PCDHA2: variants seen among roughly 807,000 people sequenced by gnomAD.
PCDHA2 encodes the protein protocadherin alpha 2.
PCDHA2 carries 58 observed loss-of-function variants against 66.0 expected under a neutral mutation model. The observed-to-expected ratio is 0.88, with a 90% CI of 0.71 to 1.09. The LOEUF is 1.09. Ranked by LOEUF, PCDHA2 falls within the 50% of genes least tolerant of loss-of-function variation. PCDHA2 has a pLI of 0.00. For synonymous variants in PCDHA2, 634 were observed against 554.0 expected (o/e 1.14, Z -2.03); for missense variants, 1,267 against 1,242.3 (o/e 1.02, Z -0.30).
intron 1 of PCDHA2, among the ~76,000 whole-genome samples, chr5:140,960,338 G>A (rs2095541394): frequency 6.6e-6 from 1 of 152,172 alleles, no homozygotes; most frequent in Admixed American, 6.5e-5. Context: ...AGTACATGAG[G>A]TGAGATATGT....
intron 1 of PCDHA2, among the ~76,000 whole-genome samples, chr5:140,904,906 G>C (rs2071460962): frequency 6.6e-6 from 1 of 152,026 alleles, no homozygotes; most frequent in African/African-American, 2.4e-5. Context: ...TTTTCTTACT[G>C]ATTTGTTTGA....
At chr5:140,798,509 G>C (rs6878183) in intron 1 of PCDHA2, among the ~76,000 whole-genome samples, 278 of 152,262 alleles carry the variant, frequency 1.8e-3, no homozygotes, top group African/African-American at 6.3e-3. Flanking sequence ...TTATGTTAAT[G>C]GTTGATAAAT....
At chr5:140,999,524 C>T (rs1367103048) in intron 3 of PCDHA2, among the ~76,000 whole-genome samples, 1 of 152,026 alleles carries the variant, frequency 6.6e-6, no homozygotes, top group Non-Finnish European at 1.5e-5. Context: ...ATTTTGTTAC[C>T]CCCTGGATAT....
intron 1 of PCDHA2, chr5:140,876,047 C>T (rs1305657261): frequency 5.0e-6 from 8 of 1,613,744 alleles, no homozygotes; most frequent in Non-Finnish European, 6.8e-6. Context: ...AGTATATTGC[C>T]TGAATTAGTT....
rs1554119614 is a variant in PCDHA2 at position 140,795,901 on chromosome 5, G to T, written c.937G>T (p.Ala313Ser). ...TAAGGGAAAATTAGATTATGAAGAA[G>T]CAAAGTCCTACGAGATTCAGGTCAC... ...RTKGKLDYEE[A>S]KSYEIQVTAT... is the part of the protein sequence containing the mutation. Residue 313 changes from alanine to serine, a missense_variant, in exon 1 of 4, where the codon GCA becomes TCA. Coordinates refer to ENST00000526136, the MANE Select transcript of PCDHA2 (RefSeq NM_018905.3). The T allele has an allele frequency of 6.2e-7, 1 of 1,613,976 alleles. No individual in the cohort carries two copies. Among genetic ancestry groups the T allele is most frequent in the East Asian group, 2.2e-5 (1 of 44,886 alleles).
chr5:140,913,082 CA>C (rs1341633290), intron 1 of PCDHA2, among the ~76,000 whole-genome samples: 2 of 152,108 alleles, frequency 1.3e-5, no homozygotes, highest in Non-Finnish European at 2.9e-5. Flanking sequence ...TGTTTGGTAT[CA>C]GGATAATACT....
rs1205980132 is a variant in PCDHA2, at chr5:140,829,675, A to G, written c.2388+32323A>G. ...TGCAGCCGCTGGACCACGAGGAGCTAGAGCTGCTGCAGTTTCAGGTGAGCG... is the reference window on the plus strand; with the variant it reads ...TGCAGCCGCTGGACCACGAGGAGCTGGAGCTGCTGCAGTTTCAGGTGAGCG... On this transcript the variant is annotated intron_variant, in intron 1 of 3. Transcript: ENST00000526136. The G allele has an allele frequency of 3.1e-6, 5 of 1,613,082 alleles. No individual in the cohort carries two copies. The South Asian group carries it at 4.4e-5, about 14-fold the overall frequency.
chr5:140,948,017 T>TTTTCC (rs1351599974), intron 1 of PCDHA2, among the ~76,000 whole-genome samples: 1 of 151,262 alleles, frequency 6.6e-6, no homozygotes, highest in African/African-American at 2.4e-5. Flanking sequence ...GGAAGTACCC[T>TTTTCC]TTCTGGTTTG....
chr5:140,938,977 A>C (rs1205824371), intron 1 of PCDHA2, among the ~76,000 whole-genome samples: 1 of 152,190 alleles, frequency 6.6e-6, no homozygotes, highest in Admixed American at 6.5e-5. Flanking sequence ...CATCAAGGCT[A>C]TCCTGGCTTT....
At chr5:140,828,757 C>T in intron 1 of PCDHA2, 1 of 1,614,234 alleles carries the variant, frequency 6.2e-7, no homozygotes, top group Non-Finnish European at 8.5e-7. Flanking sequence ...AACCTGAGCT[C>T]ACAGGCACTG....
At chr5:140,875,934 A>T (rs782270710) in intron 1 of PCDHA2, 1 of 1,614,178 alleles carries the variant, frequency 6.2e-7, no homozygotes, top group Admixed American at 1.7e-5. Context: ...ATTTTCCTCT[A>T]GAGGGCGCTT....
intron 1 of PCDHA2, chr5:140,882,591 T>C (rs781883775): frequency 1.2e-6 from 2 of 1,614,116 alleles, no homozygotes; most frequent in South Asian, 2.2e-5. Flanking sequence ...CACCTGGAGG[T>C]GATCGTGGAC....
At chr5:140,804,394 A>C (rs1554123068) in intron 1 of PCDHA2, 4 of 152,040 alleles carry the variant, frequency 2.6e-5, no homozygotes, top group African/African-American at 7.2e-5. Context: ...GTGAAAATTT[A>C]ATAGTTGTAT....
intron 1 of PCDHA2, among the ~76,000 whole-genome samples, chr5:140,887,610 A>G (rs544288452): frequency 3.2e-4 from 49 of 151,656 alleles, no homozygotes; most frequent in Admixed American, 2.7e-3. Context: ...GTGCTTTAGT[A>G]TGGTTTTCTT....
At chr5:140,843,089 G>T in intron 1 of PCDHA2, 2 of 1,595,612 alleles carry the variant, frequency 1.3e-6, no homozygotes, top group Non-Finnish European at 1.7e-6. Flanking sequence ...CGCGGGCCAC[G>T]TGGTAGCGAA....
chr5:140,805,179 C>T, intron 1 of PCDHA2: 2 of 1,497,758 alleles, frequency 1.3e-6, no homozygotes, highest in Non-Finnish European at 1.8e-6. Flanking sequence ...TGATGCTATG[C>T]CAAATAAATA....
intron 1 of PCDHA2, among the ~76,000 whole-genome samples, chr5:140,831,946 G>T (rs928046102): frequency 1.3e-5 from 2 of 152,098 alleles, no homozygotes; most frequent in African/African-American, 2.4e-5. Flanking sequence ...AAGAGGAAAA[G>T]AAAAACTTTA....
chr5:140,869,613 CA>C (rs782134760), intron 1 of PCDHA2: 1 of 1,613,944 alleles, frequency 6.2e-7, no homozygotes. Flanking sequence ...TATTGACCTA[CA>C]GGCTAAGTAA....
chr5:141,005,701 CAAAAAAAAAAA>C (rs59860837), intron 3 of PCDHA2, among the ~76,000 whole-genome samples: 24 of 7,788 alleles, frequency 3.1e-3, no homozygotes, highest in African/African-American at 7.5e-3. Flanking sequence ...AACTCCGTCT[CAAAAAAAAAAA>C]AAAAAAAAAA....
Sources: allele counts gnomAD v4.1 joint callset (sites outside exome capture counted in the v4.1 genomes callset), GRCh38; gene constraint gnomAD v4.1.1; transcripts MANE v1.5; gene names NCBI Gene and HGNC (gene_info 2026-07-23, HGNC 2026-07-21).